The following PPME1 variants were observed in gnomAD, a reference collection of about 807,000 sequenced individuals.
The protein encoded by PPME1 is testicular secretory protein Li 39.
PPME1 carries 17 observed loss-of-function variants against 56.9 expected under a neutral mutation model. That is an observed-to-expected ratio of 0.30 (90% CI 0.20 to 0.45). PPME1 has a LOEUF of 0.45. Ranked by LOEUF, PPME1 falls within the 20% of genes least tolerant of loss-of-function variation. The probability of loss-of-function intolerance (pLI) is 1.00; values close to 1 mark genes in which losing one functional copy is unlikely to be tolerated. For synonymous variants in PPME1, 122 were observed against 156.2 expected, an observed-to-expected ratio of 0.78 and a Z score of 1.63; for missense variants, 357 against 483.2, an observed-to-expected ratio of 0.74 and a Z score of 2.45.
chr11:74,241,903 A>G (rs1477074437), intron 9 of PPME1, among the ~76,000 whole-genome samples: 1 of 152,180 alleles, frequency 6.6e-6, no homozygotes, highest in South Asian at 2.1e-4. Flanking sequence ...TAATTTGCAA[A>G]TACTTTCTCC....
chr11:74,222,952 T>A (rs1220023047), intron 4 of PPME1, among the ~76,000 whole-genome samples: 2 of 152,116 alleles, frequency 1.3e-5, no homozygotes, highest in Non-Finnish European at 2.9e-5. Context: ...TAATTTTTTT[T>A]TATTATACTT....
chr11:74,250,103 C>T (rs1859616234), intron 11 of PPME1: 1 of 152,118 alleles, frequency 6.6e-6, no homozygotes, highest in East Asian at 1.9e-4. Context: ...CTTTTGAATC[C>T]TGCGTAACTG....
At chr11:74,245,054 T>G (rs1396966053) in intron 9 of PPME1, among the ~76,000 whole-genome samples, 1 of 152,204 alleles carries the variant, frequency 6.6e-6, no homozygotes, top group Non-Finnish European at 1.5e-5. Context: ...ATTCCACTGG[T>G]CTATTTGTCT....
In PPME1 at chr11:74,254,306, A is replaced by G. The variant is rs879076822; in HGVS notation, c.*796A>G. On this transcript the variant is annotated 3_prime_UTR_variant, in exon 14 of 14. Transcript: ENST00000328257. ...AAAGCCTATGGAATTGTTTTTAATCATCAAATTTAACCATTTTCATAACTG... is the reference window on the plus strand; with the variant it reads ...AAAGCCTATGGAATTGTTTTTAATCGTCAAATTTAACCATTTTCATAACTG... The G allele has an allele frequency of 6.5e-6, 1 of 152,804 alleles. No individual in the cohort carries two copies. The highest frequency in any genetic ancestry group is 2.1e-4 in the South Asian group (1 of 4,830). 9.5% of individuals were successfully genotyped at this position (152,804 alleles called of 1,614,324 possible).
intron 8 of PPME1, chr11:74,237,781 T>C (rs1320740486): frequency 2.0e-5 from 3 of 152,190 alleles, no homozygotes; most frequent in African/African-American, 7.2e-5. Context: ...TCCTGTGTAT[T>C]TGACTTCAAG....
intron 1 of PPME1, among the ~76,000 whole-genome samples, chr11:74,194,582 ATTATACACT>A (rs1857931701): frequency 1.3e-5 from 2 of 151,214 alleles, no homozygotes; most frequent in Admixed American, 6.6e-5. Flanking sequence ...TTATTTAATA[ATTATACACT>A]ATGATTGTAT....
intron 9 of PPME1, among the ~76,000 whole-genome samples, chr11:74,244,469 A>T (rs558552115): frequency 6.6e-6 from 1 of 152,266 alleles, no homozygotes; most frequent in East Asian, 1.9e-4. Context: ...AATGGGGGTG[A>T]GGTGGTATCT....
intron 1 of PPME1, among the ~76,000 whole-genome samples, chr11:74,201,846 G>A (rs571212940): frequency 3.9e-5 from 6 of 152,230 alleles, no homozygotes; most frequent in South Asian, 2.1e-4. Flanking sequence ...CCATGTTATC[G>A]TTATAATCAA....
intron 1 of PPME1, among the ~76,000 whole-genome samples, chr11:74,177,922 T>C (rs1355300446): frequency 6.6e-6 from 1 of 152,204 alleles, no homozygotes; most frequent in African/African-American, 2.4e-5. Context: ...ATTGTGAAAC[T>C]CAGTAGATTT....
intron 1 of PPME1, among the ~76,000 whole-genome samples, chr11:74,201,255 G>A (rs73565839): frequency 0.1 from 15,785 of 152,004 alleles, 2,142 homozygotes; most frequent in African/African-American, 0.32. Flanking sequence ...GATTACAGGC[G>A]TGAGCCACCG....
At chr11:74,242,298 T>G (rs946298404) in intron 9 of PPME1, among the ~76,000 whole-genome samples, 5 of 152,204 alleles carry the variant, frequency 3.3e-5, no homozygotes, top group African/African-American at 1.2e-4. Flanking sequence ...AATGTTAGAT[T>G]TTATTTCTGA....
chr11:74,227,668 C>T (rs1858965152), intron 5 of PPME1, among the ~76,000 whole-genome samples: 1 of 152,148 alleles, frequency 6.6e-6, no homozygotes, highest in Non-Finnish European at 1.5e-5. Context: ...AAAGCATCCA[C>T]CAAAATTGTA....
At chr11:74,244,224 A>G (rs527464741) in intron 9 of PPME1, among the ~76,000 whole-genome samples, 66 of 152,208 alleles carry the variant, frequency 4.3e-4, no homozygotes, top group Non-Finnish European at 8.5e-4. Flanking sequence ...TAGTGCTGCT[A>G]TGAACATGGG....
chr11:74,240,264 A>G (rs1479357951), intron 9 of PPME1, among the ~76,000 whole-genome samples: 1 of 152,168 alleles, frequency 6.6e-6, no homozygotes, highest in African/African-American at 2.4e-5. Context: ...TTTGCTAGTC[A>G]TCTGTTGACT....
At chr11:74,173,546 T>A (rs1857336031) in intron 1 of PPME1, among the ~76,000 whole-genome samples, 1 of 152,066 alleles carries the variant, frequency 6.6e-6, no homozygotes, top group Non-Finnish European at 1.5e-5. Flanking sequence ...TACTTTTCAT[T>A]TTATTTTTTT....
intron 9 of PPME1, among the ~76,000 whole-genome samples, chr11:74,239,573 C>CTTTTTT (rs756708278): frequency 8.0e-6 from 1 of 125,462 alleles, no homozygotes; most frequent in Non-Finnish European, 1.7e-5. Context: ...TCATCCAGAT[C>CTTTTTT]TTTTTTTTTT....
chr11:74,239,936 G>A lies in PPME1; in HGVS notation c.834+680G>A, dbSNP rs187200130. Among the ~76,000 whole-genome samples, 332 of 151,118 alleles carry A rather than the reference G, an allele frequency of 2.2e-3. 1 individual carries two copies. The highest frequency in any genetic ancestry group is 7.4e-3 in the African/African-American group (305 of 41,136). ...GTCTTTCAAAGTTTTTCTCCTTGAG[G>A]AAGCTCTTTAATTTTCTTTCCATTT... On this transcript the variant is annotated intron_variant, in intron 9 of 13. Coordinates refer to ENST00000328257, the MANE Select transcript of PPME1 (RefSeq NM_016147.3).
At chr11:74,232,304 A>G (rs949865171) in intron 7 of PPME1, among the ~76,000 whole-genome samples, 1 of 152,274 alleles carries the variant, frequency 6.6e-6, no homozygotes, top group Non-Finnish European at 1.5e-5. Context: ...TTCATATAGC[A>G]TATGGCATAC....
intron 11 of PPME1, chr11:74,249,095 A>G (rs540736115): frequency 1.3e-5 from 2 of 152,214 alleles, no homozygotes; most frequent in Non-Finnish European, 2.9e-5. Flanking sequence ...TCCTTATGAG[A>G]TGTCCTCCTG....
Sources: gnomAD v4.1 joint callset for allele counts (sites outside exome capture counted in the v4.1 genomes callset) on GRCh38, gnomAD v4.1.1 for gene constraint, MANE v1.5 for transcripts, NCBI Gene and HGNC (gene_info 2026-07-23, HGNC 2026-07-21) for gene names.